Variants in HACL1 observed in about 807,000 individuals in gnomAD.
The protein encoded by HACL1 is 2-hydroxyacyl-CoA lyase 1, also known as 1600020H07Rik.
A neutral mutation model predicts 74.2 loss-of-function variants in HACL1; 64 were observed. That is an observed-to-expected ratio of 0.86 (90% CI 0.70 to 1.06). The LOEUF is 1.06. Ranked by LOEUF, HACL1 falls within the 50% of genes least tolerant of loss-of-function variation. The probability of loss-of-function intolerance (pLI) is 0.00; values close to 1 mark genes in which losing one functional copy is unlikely to be tolerated. For missense variants in HACL1, 728 were observed against 719.7 expected (o/e 1.01, Z -0.13); for synonymous variants, 230 against 238.8 (o/e 0.96, Z 0.34).
chr3:15,601,110 C>A lies in HACL1; in HGVS notation c.166G>T (p.Gly56Trp), dbSNP rs1355213909. 6.2e-7 allele frequency: 1 copy of A among 1,612,522 alleles called. No homozygotes were observed. Among genetic ancestry groups the A allele is most frequent in the Non-Finnish European group, 8.5e-7 (1 of 1,178,496 alleles). ...CTCACCGCTTGCTCATTCCTCATCC[C>A]GATGTACTTGATGCCTAGCTGCTGG... ...AAQQLGIKYI[G>W]MRNEQAACYA... The change falls in exon 2 of 17, where the codon GGG (glycine) becomes TGG (tryptophan). Residue 56 changes from glycine (G) to tryptophan (W), a missense_variant. Transcript: ENST00000321169.
Position 15,593,784 on chromosome 3 carries a change from T to G in HACL1, c.228-2104A>C, listed in dbSNP as rs1003836122. Among the ~76,000 whole-genome samples, 4 of 117,198 alleles carry G rather than the reference T, an allele frequency of 3.4e-5. No individual in the cohort carries two copies. The South Asian group carries it at 9.3e-4, about 27-fold the overall frequency. The allele number at this position is 117,198 out of a possible 152,430, so 76.9% of individuals were successfully genotyped here. ...GTGCTCTGCCCAAAATGTTTTGTGT[T>G]TTTTTTTTTGTCTTTTTTTTTTTTT... On this transcript the variant is annotated intron_variant, in intron 3 of 16. Transcript: ENST00000321169.
chr3:15,569,873 C>T (rs2063496296), intron 12 of HACL1, among the ~76,000 whole-genome samples: 1 of 150,922 alleles, frequency 6.6e-6, no homozygotes, highest in South Asian at 2.1e-4. Flanking sequence ...ACCTGTAATC[C>T]CAGCTACTCG....
rs764793867 is a variant in HACL1, at chr3:15,567,962, C to T, written c.1291G>A (p.Gly431Arg). 6.2e-7 allele frequency: 1 copy of T among 1,614,136 alleles called. No homozygotes were observed. The highest frequency in any genetic ancestry group is 1.1e-5 in the South Asian group (1 of 91,084). The change falls in exon 14 of 17, where the codon GGA (glycine) becomes AGA (arginine). Residue 431 changes from glycine to arginine, a missense_variant. Transcript: ENST00000321169. ...GTFGTMGVGL[G>R]FAIAAAVVAK... The stretch of plus-strand genomic sequence containing the variant: ...ACCACGGCAGCTGCAATAGCAAATC[C>T]CAAACCAACTCCCATTGTTCCGAAA...
chr3:15,581,210 C>T (rs1425283852), intron 8 of HACL1, among the ~76,000 whole-genome samples: 2 of 152,192 alleles, frequency 1.3e-5, no homozygotes, highest in Admixed American at 1.3e-4. Flanking sequence ...CCCACGTTAT[C>T]ATTTGTTTTC....
At chr3:15,571,560 A>T (rs1049827790) in intron 12 of HACL1, 108 bp downstream of exon 12, 2 of 731,888 alleles carry the variant, frequency 2.7e-6, no homozygotes, top group Non-Finnish European at 4.9e-6. Context: ...TTCACTGCAC[A>T]ATTTTGCACA....
chr3:15,568,529 G>C lies in HACL1; in HGVS notation c.1153C>G (p.Gln385Glu). 6.3e-7 allele frequency: 1 copy of C among 1,588,616 alleles called. No homozygotes were observed. The highest frequency in any genetic ancestry group is 1.1e-5 in the South Asian group (1 of 90,400). ...MNYYTVFYHVQEQLPRDCFVV... is the reference protein window; with the variant it reads ...MNYYTVFYHVEEQLPRDCFVV... ...AAACAGTCTCTAGGTAGTTGTTCTT[G>C]AACATGGTAGAATACTGTGTAATAA... The change falls in exon 13 of 17, where the codon CAA becomes GAA. Residue 385 changes from glutamine to glutamate, a missense_variant. Transcript: ENST00000321169.
chr3:15,592,557 C>T (rs1252750227), intron 3 of HACL1, among the ~76,000 whole-genome samples: 3 of 147,492 alleles, frequency 2.0e-5, no homozygotes, highest in African/African-American at 5.1e-5. Context: ...CACATGTGTG[C>T]GTGTATACAC....
At chr3:15,592,228 A>G (rs2063930536) in intron 3 of HACL1, among the ~76,000 whole-genome samples, 1 of 118,560 alleles carries the variant, frequency 8.4e-6, no homozygotes, top group African/African-American at 4.6e-5. Flanking sequence ...ATGTATACAT[A>G]CGTATATACG....
intron 9 of HACL1, among the ~76,000 whole-genome samples, chr3:15,578,488 T>C (rs1438176951): frequency 6.6e-6 from 1 of 152,212 alleles, no homozygotes; most frequent in Non-Finnish European, 1.5e-5. Context: ...CCCCCGTGTT[T>C]TGTCTCCTGG....
chr3:15,594,292 G>A (rs2125288975), intron 3 of HACL1, among the ~76,000 whole-genome samples: 1 of 152,284 alleles, frequency 6.6e-6, no homozygotes, highest in Non-Finnish European at 1.5e-5. Context: ...TGTAGTGCCA[G>A]CTACTTGGGA....
chr3:15,594,022 C>T (rs962440681), intron 3 of HACL1, among the ~76,000 whole-genome samples: 4 of 152,130 alleles, frequency 2.6e-5, no homozygotes, highest in Admixed American at 6.5e-5. Context: ...TTGTCTCCAA[C>T]TCCTGGCCTC....
chr3:15,584,208 C>T (rs778487121), intron 7 of HACL1, among the ~76,000 whole-genome samples: 4 of 151,946 alleles, frequency 2.6e-5, no homozygotes, highest in Non-Finnish European at 5.9e-5. Context: ...CTGAGCTTAC[C>T]CTCCTCCCCT....
intron 14 of HACL1, among the ~76,000 whole-genome samples, chr3:15,566,202 G>T (rs1377231745): frequency 1.3e-5 from 2 of 152,140 alleles, no homozygotes; most frequent in African/African-American, 4.8e-5. Flanking sequence ...TAAGAGCCCT[G>T]GCTAAGAATA....
Position 15,563,466 on chromosome 3 carries a change from T to C in HACL1, c.1596A>G (p.Val532=), listed in dbSNP as rs1240477300. ...ATTTTTGGAGTTCTTCTGGTGTTTG[T>C]ACAAAATACCCTTTGCCTCCAAATG... is the stretch of plus-strand genomic sequence containing the variant. The part of the protein sequence containing the change: ...MTAFGGKGYF[V]QTPEELQKSL... Residue 532 remains valine, a synonymous_variant, in exon 16 of 17, where the codon GTA becomes GTG. Coordinates refer to ENST00000321169, the MANE Select transcript of HACL1 (RefSeq NM_012260.4). The C allele has an allele frequency of 6.2e-7, 1 of 1,610,664 alleles. No homozygotes were observed. Among genetic ancestry groups the C allele is most frequent in the Non-Finnish European group, 8.5e-7 (1 of 1,176,918 alleles).
intron 3 of HACL1, among the ~76,000 whole-genome samples, chr3:15,595,661 G>A (rs1400661701): frequency 7.4e-6 from 1 of 134,878 alleles, no homozygotes; most frequent in African/African-American, 2.8e-5. Flanking sequence ...CCAGGCTGGA[G>A]TGCAGTGGCG....
intron 11 of HACL1, among the ~76,000 whole-genome samples, chr3:15,572,596 C>G (rs1322903765): frequency 1.3e-5 from 2 of 152,318 alleles, no homozygotes; most frequent in East Asian, 3.8e-4. Context: ...AAGATTATAT[C>G]CTATATTGTG....
intron 7 of HACL1, among the ~76,000 whole-genome samples, chr3:15,585,011 G>A (rs1450397085): frequency 1.1e-4 from 16 of 152,236 alleles, no homozygotes; most frequent in South Asian, 2.1e-4. Context: ...TATTTTCAAC[G>A]AGGAGTTCAG....
chr3:15,573,723 G>C (rs570863617), intron 10 of HACL1, among the ~76,000 whole-genome samples: 92 of 152,292 alleles, frequency 6.0e-4, no homozygotes, highest in African/African-American at 2.2e-3. Flanking sequence ...ATTTCTAACA[G>C]GTTTCGCAGG....
rs1165871891 is a variant in HACL1, at chr3:15,563,546, T to C, written c.1518-2A>G. 5 of 1,588,544 alleles carry C rather than the reference T, an allele frequency of 3.1e-6. No individual in the cohort carries two copies. Among genetic ancestry groups the C allele is most frequent in the Admixed American group, 1.7e-5 (1 of 58,974 alleles). On this transcript the variant is annotated splice_acceptor_variant, in intron 15 of 16. Transcript: ENST00000321169. LOFTEE classifies it high-confidence loss of function. The stretch of plus-strand genomic sequence containing the variant: ...GGCAGCAAACACATTGGAGGGACCC[T>C]GAAAAACAAGGTCATGAGTCAATGA...
Sources: allele counts gnomAD v4.1 joint callset (sites outside exome capture counted in the v4.1 genomes callset), GRCh38; gene constraint gnomAD v4.1.1; transcripts MANE v1.5; gene names NCBI Gene and HGNC (gene_info 2026-07-23, HGNC 2026-07-21).